ABCC9: variants seen among roughly 807,000 people sequenced by gnomAD.
The protein encoded by ABCC9 is ATP binding cassette subfamily C member 9, also known as ATP-binding cassette sub-family C member 9.
A neutral mutation model predicts 188.3 loss-of-function variants in ABCC9; 95 were observed. The observed-to-expected ratio is 0.50, with a 90% CI of 0.43 to 0.60. The LOEUF is 0.60. Ranked by LOEUF, ABCC9 falls within the 20% of genes least tolerant of loss-of-function variation. The pLI is 0.00. For synonymous variants in ABCC9, 659 were observed against 652.7 expected (o/e 1.01, Z -0.15); for missense variants, 1,102 against 1,876.3 (o/e 0.59, Z 7.62).
intron 18 of ABCC9, among the ~76,000 whole-genome samples, chr12:21,867,057 A>G (rs1945817590): frequency 6.6e-6 from 1 of 152,180 alleles, no homozygotes; most frequent in Non-Finnish European, 1.5e-5. Flanking sequence ...CTCTCCTTGA[A>G]GGATTTACGT....
chr12:21,803,147 G>A (rs1239138276), intron 39 of ABCC9, among the ~76,000 whole-genome samples: 1 of 151,672 alleles, frequency 6.6e-6, no homozygotes, highest in African/African-American at 2.4e-5. Context: ...CTTTGAGAAA[G>A]GACCAGAGCC....
chr12:21,868,628 G>A (rs907725248), intron 18 of ABCC9, among the ~76,000 whole-genome samples: 6 of 152,156 alleles, frequency 3.9e-5, no homozygotes, highest in Non-Finnish European at 7.3e-5. Flanking sequence ...AACAGAGTGA[G>A]ACTCTGTCTC....
intron 31 of ABCC9, among the ~76,000 whole-genome samples, chr12:21,822,661 G>T (rs1232548573): frequency 1.3e-5 from 2 of 151,872 alleles, no homozygotes; most frequent in East Asian, 1.9e-4. Context: ...TGTGATGGCA[G>T]GCACCTGTAG....
chr12:21,924,912 C>A (rs1018304977), intron 5 of ABCC9: 1 of 152,092 alleles, frequency 6.6e-6, no homozygotes, highest in Non-Finnish European at 1.5e-5. Context: ...TTGCCTTTAA[C>A]AATCATATAA....
At chr12:21,935,782 T>A (rs2138072855) in intron 3 of ABCC9, among the ~76,000 whole-genome samples, 1 of 152,252 alleles carries the variant, frequency 6.6e-6, no homozygotes, top group South Asian at 2.1e-4. Flanking sequence ...GGATATTTAT[T>A]ATATTAATGT....
chr12:21,927,552 G>A (rs1949090538), intron 4 of ABCC9, among the ~76,000 whole-genome samples: 1 of 152,146 alleles, frequency 6.6e-6, no homozygotes, highest in Non-Finnish European at 1.5e-5. Flanking sequence ...GAGGGTGATG[G>A]CAATAGAGAA....
At chr12:21,832,954 G>A (rs987462881) in intron 30 of ABCC9, among the ~76,000 whole-genome samples, 1 of 152,160 alleles carries the variant, frequency 6.6e-6, no homozygotes, top group East Asian at 1.9e-4. Context: ...AACAAGGAAC[G>A]AAATAATGGC....
At chr12:21,929,343 TA>T (rs1249169918) in intron 4 of ABCC9, among the ~76,000 whole-genome samples, 4 of 151,654 alleles carry the variant, frequency 2.6e-5, no homozygotes, top group African/African-American at 9.7e-5. Flanking sequence ...AAGAGCAAAC[TA>T]AAAAGGATTC....
intron 30 of ABCC9, among the ~76,000 whole-genome samples, chr12:21,832,722 TAAAAAACTAAA>T (rs1943844432): frequency 1.3e-5 from 2 of 152,106 alleles, no homozygotes; most frequent in African/African-American, 2.4e-5. Flanking sequence ...GGAGATTCCC[TAAAAAACTAAA>T]AGTAGAACTG....
chr12:21,874,137 C>CAA (rs35973129), intron 17 of ABCC9, among the ~76,000 whole-genome samples: 106 of 151,916 alleles, frequency 7.0e-4, no homozygotes, highest in African/African-American at 2.0e-3. Flanking sequence ...ATATAAAATA[C>CAA]AAAAAAAACT....
chr12:21,884,092 AAC>A (rs1946761576), intron 15 of ABCC9, among the ~76,000 whole-genome samples: 1 of 150,480 alleles, frequency 6.6e-6, no homozygotes, highest in Admixed American at 6.6e-5. Flanking sequence ...TTTTTTTTGA[AAC>A]AGAGTCTCAC....
intron 15 of ABCC9, among the ~76,000 whole-genome samples, chr12:21,884,770 T>C (rs1229389552): frequency 3.1e-5 from 1 of 31,844 alleles, no homozygotes. Flanking sequence ...AAAATACTAA[T>C]ATATTTTGAC....
intron 24 of ABCC9, among the ~76,000 whole-genome samples, chr12:21,849,571 C>G (rs1025249307): frequency 2.6e-5 from 4 of 151,840 alleles, no homozygotes; most frequent in Non-Finnish European, 5.9e-5. Flanking sequence ...ATGCTGTGAC[C>G]AAAAGGTTTA....
At chr12:21,816,195 C>G (rs1365235705) in intron 33 of ABCC9, among the ~76,000 whole-genome samples, 1 of 151,564 alleles carries the variant, frequency 6.6e-6, no homozygotes, top group Non-Finnish European at 1.5e-5. Flanking sequence ...TTCCGTCACT[C>G]AATTCTATTC....
At chr12:21,868,926 C>T (rs776946076) in intron 18 of ABCC9, among the ~76,000 whole-genome samples, 9 of 151,976 alleles carry the variant, frequency 5.9e-5, no homozygotes, top group Non-Finnish European at 1.3e-4. Context: ...AGAGTAATTA[C>T]AAATAACTCT....
intron 32 of ABCC9, 71 bp downstream of exon 32, chr12:21,818,079 A>C: frequency 1.7e-6 from 2 of 1,198,648 alleles, no homozygotes; most frequent in Non-Finnish European, 2.5e-6. Context: ...CTCAACATTC[A>C]ATTCCCATTT....
chr12:21,873,444 G>A (rs1946180552), intron 17 of ABCC9, among the ~76,000 whole-genome samples: 1 of 151,922 alleles, frequency 6.6e-6, no homozygotes, highest in Admixed American at 6.6e-5. Context: ...AAAGACTTCT[G>A]GGCTTAGGGT....
intron 31 of ABCC9, among the ~76,000 whole-genome samples, chr12:21,825,177 G>C (rs182141529): frequency 6.6e-6 from 1 of 152,148 alleles, no homozygotes; most frequent in Non-Finnish European, 1.5e-5. Context: ...AAATAGGAAC[G>C]CTTTTACACT....
chr12:21,824,418 A>G (rs1032300186), intron 31 of ABCC9, among the ~76,000 whole-genome samples: 4 of 152,102 alleles, frequency 2.6e-5, no homozygotes, highest in South Asian at 2.1e-4. Context: ...GATTTTTGCA[A>G]TGATGTTCAT....
Sources: gnomAD v4.1 joint callset for allele counts (sites outside exome capture counted in the v4.1 genomes callset) on GRCh38, gnomAD v4.1.1 for gene constraint, MANE v1.5 for transcripts, NCBI Gene and HGNC (gene_info 2026-07-23, HGNC 2026-07-21) for gene names.